Variants in TUSC7 observed in about 807,000 individuals in gnomAD.
TUSC7 encodes LSAMP antisense RNA 3.
chr3:116,715,718 A>T (rs1011755010), intron 1 of TUSC7, among the ~76,000 whole-genome samples: 13 of 152,100 alleles, frequency 8.5e-5, no homozygotes, highest in African/African-American at 3.1e-4. Context: ...ATTTTGATAT[A>T]GTCATTTATC....
In TUSC7 at chr3:116,714,837, A is replaced by G. The variant is rs543640963; in HGVS notation, n.99-2924A>G. Among the ~76,000 whole-genome samples, 21 of 152,296 alleles carry G rather than the reference A, an allele frequency of 1.4e-4. 1 individual carries two copies. Among genetic ancestry groups the G allele is most frequent in the Middle Eastern group, 6.8e-3 (2 of 294 alleles). ...AATTGATGAACCTGCATTGACATAT[A>G]ATCACACAAAGTCCATAGTTTGCAT... On this transcript the variant is annotated intron_variant and non_coding_transcript_variant, in intron 1 of 2. Transcript: ENST00000477805.
At chr3:116,713,773 C>A (rs925878217) in intron 1 of TUSC7, among the ~76,000 whole-genome samples, 2 of 152,086 alleles carry the variant, frequency 1.3e-5, no homozygotes, top group Non-Finnish European at 2.9e-5. Context: ...CGAGACCAGC[C>A]TGGCCAACAT....
intron 1 of TUSC7, chr3:116,716,622 A>C (rs2051510671): frequency 6.6e-6 from 1 of 152,198 alleles, no homozygotes; most frequent in Non-Finnish European, 1.5e-5. Flanking sequence ...AGGATGAGCT[A>C]ATCAAAAGAA....
intron 1 of TUSC7, chr3:116,712,896 C>A (rs535559970): frequency 3.9e-5 from 6 of 152,176 alleles, no homozygotes; most frequent in Admixed American, 6.5e-5. Context: ...TGTATGTAGA[C>A]ATATAATATT....
intron 1 of TUSC7, chr3:116,712,777 T>C (rs1156899200): frequency 6.6e-6 from 1 of 151,032 alleles, no homozygotes; most frequent in African/African-American, 2.4e-5. Flanking sequence ...TTTTGATAAA[T>C]AACAAAATTA....
intron 1 of TUSC7, among the ~76,000 whole-genome samples, chr3:116,714,589 A>C (rs1328102818): frequency 6.6e-6 from 1 of 152,212 alleles, no homozygotes; most frequent in Non-Finnish European, 1.5e-5. Context: ...CATGGACTAC[A>C]TTTCAAATAG....
At chr3:116,716,430 C>T (rs1270693625) in intron 1 of TUSC7, 1 of 152,086 alleles carries the variant, frequency 6.6e-6, no homozygotes, top group African/African-American at 2.4e-5. Flanking sequence ...AACATGAGGC[C>T]TATTTCTCTG....
At chr3:116,712,163 C>A (rs1219857667) in intron 1 of TUSC7, among the ~76,000 whole-genome samples, 1 of 152,156 alleles carries the variant, frequency 6.6e-6, no homozygotes, top group Non-Finnish European at 1.5e-5. Context: ...GTCTGATTTA[C>A]AGCATTATGC....
At chr3:116,712,999 A>G (rs1051155730) in intron 1 of TUSC7, 5 of 152,218 alleles carry the variant, frequency 3.3e-5, no homozygotes, top group African/African-American at 1.2e-4. Flanking sequence ...TTCATTTTAA[A>G]TAAGAAAAAG....
At chr3:116,710,761 G>A (rs2051456302) in intron 1 of TUSC7, among the ~76,000 whole-genome samples, 1 of 151,966 alleles carries the variant, frequency 6.6e-6, no homozygotes, top group South Asian at 2.1e-4. Flanking sequence ...GAAGATGAAA[G>A]ACATGTAAAG....
intron 1 of TUSC7, among the ~76,000 whole-genome samples, chr3:116,715,007 C>T (rs1370891296): frequency 6.6e-6 from 1 of 152,146 alleles, no homozygotes; most frequent in East Asian, 1.9e-4. Context: ...CTTCCCAAAC[C>T]CTTGACAACC....
Position 116,716,030 on chromosome 3 carries a change from G to A in TUSC7, n.99-1731G>A, listed in dbSNP as rs568524471. ...CCCTGTGGAAGAAAGGCCAGAAGGGGCAATTTGCCATGACTCAAAAATGGC... is the reference window on the plus strand; with the variant it reads ...CCCTGTGGAAGAAAGGCCAGAAGGGACAATTTGCCATGACTCAAAAATGGC... On this transcript the variant is annotated intron_variant and non_coding_transcript_variant, in intron 1 of 2. Coordinates refer to ENST00000477805, the Ensembl canonical transcript of TUSC7. 7.9e-5 allele frequency among the ~76,000 whole-genome samples: 12 copies of A among 152,266 alleles called. No homozygotes were observed. In the South Asian group the frequency reaches 2.1e-3, roughly 26 times the overall value.
At chr3:116,716,377 G>C (rs2051507896) in intron 1 of TUSC7, 1 of 152,156 alleles carries the variant, frequency 6.6e-6, no homozygotes, top group Non-Finnish European at 1.5e-5. Context: ...GCAGTTTGGG[G>C]AGGTGGAGGA....
At chr3:116,716,988 A>T (rs1330555631) in intron 1 of TUSC7, 1 of 152,164 alleles carries the variant, frequency 6.6e-6, no homozygotes, top group Non-Finnish European at 1.5e-5. Context: ...GTTTAATTTT[A>T]CTTCCATGTG....
intron 1 of TUSC7, chr3:116,710,037 A>G (rs1051658909): frequency 6.6e-6 from 1 of 152,170 alleles, no homozygotes; most frequent in African/African-American, 2.4e-5. Context: ...GTACCCACAG[A>G]TCATGCTCAA....
intron 1 of TUSC7, among the ~76,000 whole-genome samples, chr3:116,713,046 C>T (rs114329267): frequency 0.018 from 2,695 of 152,244 alleles, 63 homozygotes; most frequent in Middle Eastern, 0.024. Flanking sequence ...AAATATATCT[C>T]TAACCCTGAG....
chr3:116,713,701 C>T (rs912963704), intron 1 of TUSC7, among the ~76,000 whole-genome samples: 10 of 152,290 alleles, frequency 6.6e-5, no homozygotes, highest in Non-Finnish European at 1.3e-4. Flanking sequence ...CTTGGGGGCT[C>T]ACGCCTGTAA....
intron 1 of TUSC7, among the ~76,000 whole-genome samples, chr3:116,710,623 G>A (rs1446344576): frequency 1.3e-5 from 2 of 152,006 alleles, no homozygotes; most frequent in East Asian, 3.9e-4. Flanking sequence ...CTAAATGTAA[G>A]TACTACTTTT....
intron 1 of TUSC7, chr3:116,710,527 G>T (rs567683709): frequency 6.6e-6 from 1 of 152,214 alleles, no homozygotes; most frequent in South Asian, 2.1e-4. Context: ...AAGAGTCTCA[G>T]CTGGGACTAG....
Sources: allele counts gnomAD v4.1 joint callset (sites outside exome capture counted in the v4.1 genomes callset), GRCh38; gene constraint gnomAD v4.1.1; transcripts MANE v1.5; gene names NCBI Gene and HGNC (gene_info 2026-07-23, HGNC 2026-07-21).